The following TDRD10 variants were observed in gnomAD, a reference collection of about 807,000 sequenced individuals.
TDRD10 encodes tudor domain-containing protein 10.
TDRD10 carries 40 observed loss-of-function variants against 48.0 expected under a neutral mutation model. That is an observed-to-expected ratio of 0.83 (90% CI 0.65 to 1.09). TDRD10 has a LOEUF of 1.09. TDRD10 is among the 50% of genes least tolerant of loss of function. The probability of loss-of-function intolerance (pLI) is 0.00; values close to 1 mark genes in which losing one functional copy is unlikely to be tolerated. For missense variants in TDRD10, 378 were observed against 434.7 expected (o/e 0.87, Z 1.16); for synonymous variants, 162 against 170.4 (o/e 0.95, Z 0.38).
At chr1:154,538,009 A>G (rs2149346085) in intron 6 of TDRD10, among the ~76,000 whole-genome samples, 1 of 152,242 alleles carries the variant, frequency 6.6e-6, no homozygotes, top group East Asian at 1.9e-4. Flanking sequence ...TGTATTACAG[A>G]CACGTCGGAA....
chr1:154,529,837 G>A lies in TDRD10; in HGVS notation c.369+8358G>A, dbSNP rs533877569. 9.2e-5 allele frequency among the ~76,000 whole-genome samples: 14 copies of A among 152,102 alleles called. No homozygotes were observed. The East Asian group carries it at 1.9e-3, about 21-fold the overall frequency. On this transcript the variant is annotated intron_variant, in intron 6 of 12. Coordinates refer to ENST00000368482, the MANE Select transcript of TDRD10 (RefSeq NM_182499.4). The stretch of plus-strand genomic sequence containing the variant: ...CGGGATTACAGGTGTGAGCTACTGC[G>A]CCCAGCTTCTTTCTTACTTTGTAAT...
intron 6 of TDRD10, among the ~76,000 whole-genome samples, chr1:154,523,067 C>A (rs1694139670): frequency 6.6e-6 from 1 of 152,130 alleles, no homozygotes; most frequent in Non-Finnish European, 1.5e-5. Flanking sequence ...CCATGCCTGG[C>A]TAATTTTTAT....
Position 154,544,396 on chromosome 1 carries a change from C to A in TDRD10, c.676C>A (p.Leu226Met). 6.3e-7 allele frequency: 1 copy of A among 1,593,388 alleles called. No individual in the cohort carries two copies. ...GGCTCTGCACCAGAACATGCAGGCT[C>A]TGTTTAGCACCCTGGCTCAGGCGGA... ...TEALHQNMQA[L>M]FSTLAQAEEQ... The change falls in exon 10 of 13, where the codon CTG (leucine) becomes ATG (methionine). Residue 226 changes from leucine (L) to methionine (M), a missense_variant. Coordinates refer to ENST00000368482, the MANE Select transcript of TDRD10 (RefSeq NM_182499.4).
At chr1:154,521,606 G>T (rs4269769) in intron 6 of TDRD10, 127 bp downstream of exon 6, 86 of 1,108,816 alleles carry the variant, frequency 7.8e-5, no homozygotes, top group Non-Finnish European at 1.0e-4. Context: ...GCAGGGTCTC[G>T]GGTGAAGTCA....
intron 1 of TDRD10, among the ~76,000 whole-genome samples, 169 bp downstream of exon 1, chr1:154,503,198 T>G (rs1489078666): frequency 6.6e-6 from 1 of 152,048 alleles, no homozygotes. Context: ...CCTCCTAGTC[T>G]GGATTTGTGC....
At chr1:154,546,323 C>T (rs1035516598) in intron 11 of TDRD10, among the ~76,000 whole-genome samples, 45 of 150,238 alleles carry the variant, frequency 3.0e-4, no homozygotes, top group Middle Eastern at 3.3e-3. Flanking sequence ...CTGCCCTCCT[C>T]GGCCTCCCAA....
At position 154,542,082 on chromosome 1, in the gene TDRD10, G is replaced by T; in HGVS notation, c.412+16G>T. 1 of 1,613,626 alleles carries T rather than the reference G, an allele frequency of 6.2e-7. No homozygotes were observed. The highest frequency in any genetic ancestry group is 8.5e-7 in the Non-Finnish European group (1 of 1,179,764). On this transcript the variant is annotated intron_variant, in intron 7 of 12. Transcript: ENST00000368482. ...AAAACCGCCGGTGAGATTCTGCGCTGCCATCCTTTCCCAGGATGTGGCTTT... is the reference window on the plus strand; with the variant it reads ...AAAACCGCCGGTGAGATTCTGCGCTTCCATCCTTTCCCAGGATGTGGCTTT...
intron 4 of TDRD10, among the ~76,000 whole-genome samples, chr1:154,513,992 C>A (rs1239947188): frequency 6.6e-6 from 1 of 152,082 alleles, no homozygotes; most frequent in Non-Finnish European, 1.5e-5. Flanking sequence ...GAGTTTGAGA[C>A]CACCCTGGCC....
intron 11 of TDRD10, 99 bp from the exon 12 acceptor site, chr1:154,547,310 G>A: frequency 7.6e-7 from 1 of 1,308,022 alleles, no homozygotes; most frequent in African/African-American, 1.5e-5. Context: ...TTGGCGGCCA[G>A]AGCACTTTCC....
intron 9 of TDRD10, 64 bp downstream of exon 9, chr1:154,544,174 G>A (rs1695417342): frequency 5.0e-6 from 8 of 1,609,020 alleles, no homozygotes; most frequent in Non-Finnish European, 5.9e-6. Context: ...CCTAGGGTGG[G>A]CATGGTGACG....
intron 3 of TDRD10, among the ~76,000 whole-genome samples, chr1:154,507,705 A>T (rs1693224948): frequency 6.6e-6 from 1 of 152,214 alleles, no homozygotes; most frequent in African/African-American, 2.4e-5. Context: ...CTGCTGTGGT[A>T]CAGCCTTTCA....
chr1:154,533,065 G>A (rs144461788), intron 6 of TDRD10, among the ~76,000 whole-genome samples: 4 of 152,204 alleles, frequency 2.6e-5, no homozygotes, highest in Non-Finnish European at 5.9e-5. Flanking sequence ...CACCCAGGCA[G>A]GGTGGTGGTA....
rs58881140 is a variant in TDRD10, at chr1:154,542,717, C to G, written c.413-14C>G. 378 of 1,610,512 alleles carry G rather than the reference C, an allele frequency of 2.3e-4. 1 individual carries two copies. Among genetic ancestry groups the G allele is most frequent in the Admixed American group, 1.1e-3 (66 of 59,772 alleles). On this transcript the variant is annotated splice_polypyrimidine_tract_variant and intron_variant, in intron 7 of 12. Transcript: ENST00000368482. ...AGTTCTGGTGCCTCCAGGACTTAGT[C>G]TTCTGCTTTCTAGCTATTATACAGC...
chr1:154,505,313 T>G lies in TDRD10; in HGVS notation c.-27-1564T>G, dbSNP rs545191819. On this transcript the variant is annotated intron_variant, in intron 1 of 12. Transcript: ENST00000368482. ...GGCCTTAAAGGCATCTTGCACGGAT[T>G]TATGCTGGGCCTTGGCTTGGGAGGT... Among the ~76,000 whole-genome samples, 27 of 152,344 alleles carry G rather than the reference T, an allele frequency of 1.8e-4. 1 individual carries two copies. In the East Asian group the frequency reaches 5.0e-3, roughly 28 times the overall value.
At position 154,521,356 on chromosome 1, in the gene TDRD10, A is replaced by G; in HGVS notation, c.246A>G (p.Lys82=). 6.2e-7 allele frequency: 1 copy of G among 1,613,946 alleles called. No homozygotes were observed. The highest frequency in any genetic ancestry group is 8.5e-7 in the Non-Finnish European group (1 of 1,179,988). The part of the protein sequence containing the change: ...FAFVDLGSMQ[K]VTLAIQELNG... ...TTGTAGATCTGGGCTCCATGCAGAA[A>G]GTGACACTTGCAATCCAGGAGCTGA... The change falls in exon 6 of 13, where the codon AAA becomes AAG. Residue 82 remains lysine, a synonymous_variant. Coordinates refer to ENST00000368482, the MANE Select transcript of TDRD10 (RefSeq NM_182499.4).
At chr1:154,518,835 C>CA (rs1205223051) in intron 4 of TDRD10, among the ~76,000 whole-genome samples, 3 of 151,946 alleles carry the variant, frequency 2.0e-5, no homozygotes, top group Non-Finnish European at 2.9e-5. Context: ...ACTTTATTTA[C>CA]AAAAAAAGGT....
chr1:154,507,034 C>T (rs1693186131), intron 2 of TDRD10, 129 bp downstream of exon 2: 1 of 1,581,694 alleles, frequency 6.3e-7, no homozygotes. Flanking sequence ...TTGATCCTAA[C>T]TCTAAGTATA....
chr1:154,507,100 G>C, intron 2 of TDRD10, 141 bp from the exon 3 acceptor site: 10 of 1,526,100 alleles, frequency 6.6e-6, no homozygotes, highest in Non-Finnish European at 7.9e-6. Flanking sequence ...CTTGGAACCT[G>C]ATTCTGGGAG....
chr1:154,539,286 T>C (rs1695095413), intron 6 of TDRD10, among the ~76,000 whole-genome samples: 1 of 151,972 alleles, frequency 6.6e-6, no homozygotes, highest in Non-Finnish European at 1.5e-5. Flanking sequence ...GTCATTTCTT[T>C]CTTTCTTGTC....
Sources: gnomAD v4.1 joint callset for allele counts (sites outside exome capture counted in the v4.1 genomes callset) on GRCh38, gnomAD v4.1.1 for gene constraint, MANE v1.5 for transcripts, NCBI Gene and HGNC (gene_info 2026-07-23, HGNC 2026-07-21) for gene names.